CEBPZ: variants seen among roughly 807,000 people sequenced by gnomAD.
CEBPZ encodes CCAAT enhancer binding protein zeta, also known as CCAAT/enhancer-binding protein zeta.
Under a neutral mutation model 104.5 loss-of-function variants are expected in CEBPZ, and 78 were observed. The ratio of observed to expected loss-of-function variants is 0.75; its 90% CI spans 0.62 to 0.90. The LOEUF is 0.90. CEBPZ is among the 40% of genes least tolerant of loss of function. CEBPZ has a pLI of 0.00. For synonymous variants in CEBPZ, 470 were observed against 427.0 expected, an observed-to-expected ratio of 1.10 and a Z score of -1.24; for missense variants, 1,439 against 1,233.5, an observed-to-expected ratio of 1.17 and a Z score of -2.50.
chr2:37,222,937 CAT>C (rs1664804468), intron 3 of CEBPZ, among the ~76,000 whole-genome samples: 2 of 152,152 alleles, frequency 1.3e-5, no homozygotes, highest in Admixed American at 1.3e-4. Context: ...TTCCAAATCT[CAT>C]ATAATGGTAG....
chr2:37,212,003 G>A lies in CEBPZ; in HGVS notation c.2640C>T (p.Asn880=), dbSNP rs1309036263. 1.9e-6 allele frequency: 3 copies of A among 1,603,258 alleles called. No homozygotes were observed. Among genetic ancestry groups the A allele is most frequent in the African/African-American group, 1.3e-5 (1 of 74,150 alleles). The change falls in exon 12 of 16, where the codon AAC becomes AAT. Residue 880 remains asparagine, a synonymous_variant. Coordinates refer to ENST00000234170, the MANE Select transcript of CEBPZ (RefSeq NM_005760.3). The stretch of plus-strand genomic sequence containing the variant: ...TACCTTCTGAATCTTCATCTAATGT[G>A]TTATCCTTAGCTCCTTTTGTTCTCT... ...VKKRTKGAKD[N]TLDEDSEGSD...
At chr2:37,219,075 A>G (rs1319625539) in intron 5 of CEBPZ, among the ~76,000 whole-genome samples, 1 of 152,190 alleles carries the variant, frequency 6.6e-6, no homozygotes, top group Non-Finnish European at 1.5e-5. Flanking sequence ...TCTTTGCTCG[A>G]AAGCTTTATT....
At chr2:37,224,453 TTAAGCTTGTGAAGCACTTTCC>T (rs1664838725) in intron 2 of CEBPZ, among the ~76,000 whole-genome samples, 1 of 152,260 alleles carries the variant, frequency 6.6e-6, no homozygotes, top group Non-Finnish European at 1.5e-5. Context: ...TGAAAAATAC[TTAAGCTTGTGAAGCACTTTCC>T]TATTGCTCTG....
intron 2 of CEBPZ, 52 bp from the exon 3 acceptor site, chr2:37,223,453 C>T (rs1664815063): frequency 1.4e-6 from 2 of 1,464,024 alleles, no homozygotes; most frequent in Admixed American, 1.7e-5. Flanking sequence ...ATCTCCACAA[C>T]CAATGGTCAC....
intron 10 of CEBPZ, among the ~76,000 whole-genome samples, chr2:37,212,844 A>C (rs1477811660): frequency 1.3e-4 from 20 of 149,736 alleles, no homozygotes; most frequent in East Asian, 1.9e-4. Flanking sequence ...TTAAAAAAAA[A>C]AAAAAAACAA....
chr2:37,206,024 G>A (rs1384370571), intron 13 of CEBPZ, among the ~76,000 whole-genome samples: 1 of 152,206 alleles, frequency 6.6e-6, no homozygotes, highest in Non-Finnish European at 1.5e-5. Flanking sequence ...TGAATGAGCA[G>A]AGATTAGCAT....
intron 5 of CEBPZ, among the ~76,000 whole-genome samples, chr2:37,218,063 C>T (rs370909279): frequency 1.4e-4 from 21 of 151,374 alleles, no homozygotes; most frequent in Admixed American, 6.6e-4. Context: ...GTCAGGAGAT[C>T]GAGACCATCC....
intron 13 of CEBPZ, among the ~76,000 whole-genome samples, chr2:37,205,007 C>T (rs1313736819): frequency 6.6e-6 from 1 of 152,302 alleles, no homozygotes; most frequent in East Asian, 1.9e-4. Context: ...TTGAGAAAAA[C>T]TGCCTATATC....
rs780834604 is a variant in CEBPZ, at chr2:37,228,669, A to G, written c.524T>C (p.Leu175Ser). ...CCATTTGCCTCCAGGCCTAAGTAACAAAGTCTGTCTCTCAAAAAATTCAAA... is the reference window on the plus strand; with the variant it reads ...CCATTTGCCTCCAGGCCTAAGTAACGAAGTCTGTCTCTCAAAAAATTCAAA... ...NIFEFFERQT[L>S]LLRPGGKWYD... is the part of the protein sequence containing the mutation. The change falls in exon 2 of 16, where the codon TTG becomes TCG. Residue 175 changes from leucine to serine, a missense_variant. Transcript: ENST00000234170. The G allele has an allele frequency of 4.3e-6, 7 of 1,614,172 alleles. No individual in the cohort carries two copies. Among genetic ancestry groups the G allele is most frequent in the Non-Finnish European group, 5.1e-6 (6 of 1,180,022 alleles).
In CEBPZ at chr2:37,227,772, T is replaced by A; in HGVS notation, c.1421A>T (p.Lys474Ile). 1 of 1,613,912 alleles carries A rather than the reference T, an allele frequency of 6.2e-7. No homozygotes were observed. Among genetic ancestry groups the A allele is most frequent in the Non-Finnish European group, 8.5e-7 (1 of 1,179,988 alleles). Residue 474 changes from lysine (K) to isoleucine (I), a missense_variant, in exon 2 of 16, where the codon AAA becomes ATA. Coordinates refer to ENST00000234170, the MANE Select transcript of CEBPZ (RefSeq NM_005760.3). ...CATTTTTGATTCAACATCTTTTTTT[T>A]TGACACAAGTCCGAAAAAAGCAAAA... Reference protein sequence around the residue: ...VYFCFFRTCVKKKDVESKMLS... With the variant: ...VYFCFFRTCVIKKDVESKMLS...
chr2:37,226,882 TAAAGAA>T (rs1267148181), intron 2 of CEBPZ, among the ~76,000 whole-genome samples: 2 of 152,142 alleles, frequency 1.3e-5, no homozygotes, highest in African/African-American at 2.4e-5. Context: ...CAAAATTCAG[TAAAGAA>T]AATCTTCATC....
intron 1 of CEBPZ, among the ~76,000 whole-genome samples, chr2:37,229,393 T>C (rs1664978127): frequency 6.6e-6 from 1 of 152,114 alleles, no homozygotes; most frequent in Non-Finnish European, 1.5e-5. Flanking sequence ...GCAAAGGACA[T>C]GAACAGTTCA....
In CEBPZ at chr2:37,217,115, G is replaced by A. The variant is rs1254680094; in HGVS notation, c.2155-78C>T. ...CATTTATAGCTTATTTAAGAAAATC[G>A]GGCTGGGTGTGGTGGCTCACACCTG... is the stretch of plus-strand genomic sequence containing the variant. On this transcript the variant is annotated intron_variant, in intron 5 of 15. Transcript: ENST00000234170. The A allele has an allele frequency of 8.6e-6, 11 of 1,282,372 alleles. No individual in the cohort carries two copies. In the South Asian group the frequency reaches 1.1e-4, roughly 13 times the overall value. 79.4% of individuals were successfully genotyped at this position (1,282,372 alleles called of 1,614,324 possible).
chr2:37,216,280 A>C (rs1191046689), intron 7 of CEBPZ, 36 bp downstream of exon 7: 1 of 1,606,320 alleles, frequency 6.2e-7, no homozygotes, highest in Non-Finnish European at 8.5e-7. Context: ...ATGTATTAAA[A>C]ATGAAAGCCA....
At chr2:37,222,941 T>C (rs576110256) in intron 3 of CEBPZ, among the ~76,000 whole-genome samples, 2 of 152,288 alleles carry the variant, frequency 1.3e-5, no homozygotes, top group East Asian at 1.9e-4. Flanking sequence ...AAATCTCATA[T>C]AATGGTAGCT....
At chr2:37,203,229 G>T in intron 13 of CEBPZ, 1 of 324,900 alleles carries the variant, frequency 3.1e-6, no homozygotes. Context: ...CAGATGACAA[G>T]AGTGTCTTCT....
At chr2:37,205,292 C>T (rs547984536) in intron 13 of CEBPZ, among the ~76,000 whole-genome samples, 1 of 152,140 alleles carries the variant, frequency 6.6e-6, no homozygotes, top group Non-Finnish European at 1.5e-5. Flanking sequence ...TCCAGATGGT[C>T]GGTTCCTGCC....
In CEBPZ at chr2:37,214,268, A is replaced by G. The variant is rs543602857; in HGVS notation, c.2448-307T>C. On this transcript the variant is annotated intron_variant, in intron 9 of 15. Transcript: ENST00000234170. The stretch of plus-strand genomic sequence containing the variant: ...AAACCCTCAAAATTATTCATTCTAA[A>G]TGATTTTAAAAAACAAGCCAAATCA... 3.7e-4 allele frequency among the ~76,000 whole-genome samples: 57 copies of G among 152,268 alleles called. 1 individual carries two copies. The South Asian group carries it at 0.012, about 31-fold the overall frequency.
rs987753016 is a variant in CEBPZ, at chr2:37,217,717, A to G, written c.2155-680T>C. Among the ~76,000 whole-genome samples, 54 of 150,716 alleles carry G rather than the reference A, an allele frequency of 3.6e-4. 1 individual carries two copies. The highest frequency in any genetic ancestry group is 4.6e-4 in the Admixed American group (7 of 15,120). On this transcript the variant is annotated intron_variant, in intron 5 of 15. Coordinates refer to ENST00000234170, the MANE Select transcript of CEBPZ (RefSeq NM_005760.3). ...GGAGATCGAGACCATCCTGGCTAACATGGTGAAACCCCATCTCTACTAAAA... is the reference window on the plus strand; with the variant it reads ...GGAGATCGAGACCATCCTGGCTAACGTGGTGAAACCCCATCTCTACTAAAA...
Sources: allele counts gnomAD v4.1 joint callset (sites outside exome capture counted in the v4.1 genomes callset), GRCh38; gene constraint gnomAD v4.1.1; transcripts MANE v1.5; gene names NCBI Gene and HGNC (gene_info 2026-07-23, HGNC 2026-07-21).